LMOD1: variants seen among roughly 807,000 people sequenced by gnomAD.
LMOD1 encodes leiomodin 1.
Under a neutral mutation model 36.5 loss-of-function variants are expected in LMOD1, and 8 were observed. The observed-to-expected ratio is 0.22, with a 90% CI of 0.13 to 0.40. LMOD1 has a LOEUF of 0.40. Ranked by LOEUF, LMOD1 falls within the 10% of genes least tolerant of loss-of-function variation. The pLI is 1.00. For synonymous variants in LMOD1, 284 were observed against 288.7 expected (o/e 0.98, Z 0.17); for missense variants, 630 against 751.1 (o/e 0.84, Z 1.88).
At chr1:201,939,545 A>G (rs971694687) in intron 1 of LMOD1, among the ~76,000 whole-genome samples, 7 of 152,164 alleles carry the variant, frequency 4.6e-5, no homozygotes, top group Admixed American at 1.3e-4. Flanking sequence ...AGACACTAAC[A>G]AGCCATTGGG....
chr1:201,943,867 T>G (rs1682161036), intron 1 of LMOD1, among the ~76,000 whole-genome samples: 2 of 152,198 alleles, frequency 1.3e-5, no homozygotes, highest in Non-Finnish European at 2.9e-5. Flanking sequence ...AACTTGTGAC[T>G]TACACAGAGA....
At chr1:201,924,640 GAAAGAA>G (rs1681781989) in intron 1 of LMOD1, among the ~76,000 whole-genome samples, 1 of 91,578 alleles carries the variant, frequency 1.1e-5, no homozygotes, top group Non-Finnish European at 2.4e-5. Context: ...GAAGAATAAA[GAAAGAA>G]AGAGAGAAAG....
intron 1 of LMOD1, among the ~76,000 whole-genome samples, chr1:201,905,802 C>G (rs1256633298): frequency 6.6e-6 from 1 of 152,240 alleles, no homozygotes; most frequent in African/African-American, 2.4e-5. Flanking sequence ...TCTGCCTGTG[C>G]TTGCAGAGGT....
At chr1:201,921,965 AAAAAAG>A (rs1251574175) in intron 1 of LMOD1, among the ~76,000 whole-genome samples, 1 of 152,152 alleles carries the variant, frequency 6.6e-6, no homozygotes, top group African/African-American at 2.4e-5. Flanking sequence ...ATCTCAAAAA[AAAAAAG>A]AAAAAGAAAA....
At chr1:201,937,171 G>A (rs1443657166) in intron 1 of LMOD1, among the ~76,000 whole-genome samples, 2 of 152,198 alleles carry the variant, frequency 1.3e-5, no homozygotes, top group Non-Finnish European at 2.9e-5. Flanking sequence ...ACCTTGGCCA[G>A]GTGTGGTGGC....
intron 1 of LMOD1, among the ~76,000 whole-genome samples, chr1:201,933,237 A>G (rs767811059): frequency 6.6e-6 from 1 of 151,994 alleles, no homozygotes; most frequent in African/African-American, 2.4e-5. Flanking sequence ...AACGTGGTGA[A>G]ACCCCATCTC....
At chr1:201,905,071 C>T (rs932576685) in intron 1 of LMOD1, among the ~76,000 whole-genome samples, 3 of 152,254 alleles carry the variant, frequency 2.0e-5, no homozygotes, top group East Asian at 1.9e-4. Flanking sequence ...TAACAAAGAA[C>T]TTCCATGCAG....
intron 1 of LMOD1, among the ~76,000 whole-genome samples, chr1:201,903,647 A>G (rs553280187): frequency 3.3e-5 from 5 of 152,198 alleles, no homozygotes; most frequent in African/African-American, 4.8e-5. Flanking sequence ...GATCCCATCA[A>G]GTTGAGAGCA....
intron 1 of LMOD1, among the ~76,000 whole-genome samples, chr1:201,909,946 C>T (rs1175734502): frequency 6.6e-6 from 1 of 152,222 alleles, no homozygotes; most frequent in Non-Finnish European, 1.5e-5. Flanking sequence ...CTAAGCCACT[C>T]TTTCACCTGA....
intron 1 of LMOD1, among the ~76,000 whole-genome samples, chr1:201,921,475 G>A (rs1681701782): frequency 8.1e-6 from 1 of 122,814 alleles, no homozygotes; most frequent in Admixed American, 9.2e-5. Flanking sequence ...GCGACAGAGT[G>A]AGACTCCATC....
intron 1 of LMOD1, among the ~76,000 whole-genome samples, chr1:201,928,482 C>T (rs1056694777): frequency 6.6e-6 from 1 of 152,194 alleles, no homozygotes; most frequent in Non-Finnish European, 1.5e-5. Flanking sequence ...AAGCACTGGG[C>T]CTCCCAAAGG....
chr1:201,901,596 G>GTA lies in LMOD1; in HGVS notation c.262-847_262-846dup, dbSNP rs376484547. ...TATATATATATATACATATATATAT[G>GTA]TATATATATATATACACATATATAT... On this transcript the variant is annotated intron_variant, in intron 1 of 2. Transcript: ENST00000367288. 4.0e-4 allele frequency among the ~76,000 whole-genome samples: 25 copies of GTA among 62,926 alleles called. 1 individual carries two copies. The highest frequency in any genetic ancestry group is 6.1e-4 in the African/African-American group (7 of 11,552). 41.3% of individuals were successfully genotyped at this position (62,926 alleles called of 152,430 possible).
chr1:201,940,888 A>G (rs1682104025), intron 1 of LMOD1, among the ~76,000 whole-genome samples: 1 of 151,686 alleles, frequency 6.6e-6, no homozygotes, highest in Admixed American at 6.6e-5. Flanking sequence ...AGCTGGGATT[A>G]CAGACATGTG....
At chr1:201,939,577 G>A (rs543275331) in intron 1 of LMOD1, among the ~76,000 whole-genome samples, 9 of 152,312 alleles carry the variant, frequency 5.9e-5, no homozygotes, top group Non-Finnish European at 1.3e-4. Context: ...ACCGAATGGA[G>A]ACCACTGCTC....
intron 2 of LMOD1, 80 bp from the exon 3 acceptor site, chr1:201,898,478 A>G: frequency 8.1e-7 from 1 of 1,240,398 alleles, no homozygotes; most frequent in Non-Finnish European, 1.1e-6. Flanking sequence ...GACACACAAG[A>G]CACTGCAATA....
At chr1:201,916,074 C>T (rs1342144659) in intron 1 of LMOD1, among the ~76,000 whole-genome samples, 1 of 152,030 alleles carries the variant, frequency 6.6e-6, no homozygotes, top group Non-Finnish European at 1.5e-5. Context: ...TGCACCACCA[C>T]ACCCAGCGGA....
At chr1:201,908,043 T>C (rs1681440069) in intron 1 of LMOD1, among the ~76,000 whole-genome samples, 1 of 151,996 alleles carries the variant, frequency 6.6e-6, no homozygotes, top group South Asian at 2.1e-4. Flanking sequence ...ACAGCATTCC[T>C]TCAGGCCAGC....
rs142457754 is a variant in LMOD1 at position 201,902,063 on chromosome 1, C to A, written c.262-1312G>T. On this transcript the variant is annotated intron_variant, in intron 1 of 2. Transcript: ENST00000367288. ...CCTCCCACCTCAGCCTCCCAAAGTG[C>A]TGAGATCACAGGTGTGAGCTGCCAT... Among the ~76,000 whole-genome samples, 6 of 151,278 alleles carry A rather than the reference C, an allele frequency of 4.0e-5. 2 individuals are homozygous for A. The highest frequency in any genetic ancestry group is 1.5e-4 in the African/African-American group (6 of 41,212).
At chr1:201,909,380 C>G (rs185490482) in intron 1 of LMOD1, among the ~76,000 whole-genome samples, 44 of 152,328 alleles carry the variant, frequency 2.9e-4, no homozygotes, top group Admixed American at 2.8e-3. Context: ...GAGCTCATTT[C>G]ATAGCTTTGA....
Sources: allele counts gnomAD v4.1 joint callset (sites outside exome capture counted in the v4.1 genomes callset), GRCh38; gene constraint gnomAD v4.1.1; transcripts MANE v1.5; gene names NCBI Gene and HGNC (gene_info 2026-07-23, HGNC 2026-07-21).